UBL3: variants seen among roughly 807,000 people sequenced by gnomAD.
UBL3 encodes the protein ubiquitin like 3.
UBL3 carries 6 observed loss-of-function variants against 18.4 expected under a neutral mutation model. The ratio of observed to expected loss-of-function variants is 0.33; its 90% confidence interval spans 0.18 to 0.64. The LOEUF is 0.64. Among genes scored for constraint, UBL3 ranks in the 30% least tolerant of loss-of-function variants. The pLI is 0.76. For missense variants in UBL3, 109 were observed against 142.9 expected (o/e 0.76, Z 1.21); for synonymous variants, 49 against 46.6 (o/e 1.05, Z -0.21).
chr13:29,798,032 T>TA (rs1877661228), intron 1 of UBL3, among the ~76,000 whole-genome samples: 1 of 150,194 alleles, frequency 6.7e-6, no homozygotes, highest in Admixed American at 6.6e-5. Context: ...AAATATATAT[T>TA]TTTTTTTTGG....
chr13:29,781,059 C>T (rs190078522), intron 1 of UBL3, among the ~76,000 whole-genome samples: 7 of 152,120 alleles, frequency 4.6e-5, no homozygotes, highest in Admixed American at 1.3e-4. Context: ...CTTGTAGTCC[C>T]GGCTACTTGG....
intron 1 of UBL3, among the ~76,000 whole-genome samples, chr13:29,845,824 A>G (rs1001968959): frequency 4.6e-5 from 7 of 152,138 alleles, no homozygotes; most frequent in African/African-American, 1.7e-4. Context: ...CGTTTTATCA[A>G]CTAAAATGTT....
intron 1 of UBL3, among the ~76,000 whole-genome samples, chr13:29,804,430 G>T (rs1449885924): frequency 6.6e-6 from 1 of 151,976 alleles, no homozygotes; most frequent in Non-Finnish European, 1.5e-5. Flanking sequence ...AGAAATAAGA[G>T]CAAATTAAGC....
rs1015623298 is a variant in UBL3, at chr13:29,765,625, T to A, written c.*1630A>T. On this transcript the variant is annotated 3_prime_UTR_variant, in exon 5 of 5. Transcript: ENST00000380680. Reference sequence around the variant, plus strand: ...TACCACCAAAATGCACTATCATTTTTTTTTTATTTAGTTTACAGGAAGAAT... The same window carrying A: ...TACCACCAAAATGCACTATCATTTTATTTTTATTTAGTTTACAGGAAGAAT... 3 of 152,552 alleles carry A rather than the reference T, an allele frequency of 2.0e-5. No homozygotes were observed. Among genetic ancestry groups the A allele is most frequent in the Non-Finnish European group, 4.4e-5 (3 of 67,960 alleles). The allele number at this position is 152,552 out of a possible 1,614,324, so 9.4% of individuals were successfully genotyped here. A position where few individuals can be genotyped will look rare whatever the true frequency, so the allele number is the denominator to read the frequency against.
intron 1 of UBL3, among the ~76,000 whole-genome samples, chr13:29,804,008 T>C (rs1877839749): frequency 6.6e-6 from 1 of 151,834 alleles, no homozygotes; most frequent in Non-Finnish European, 1.5e-5. Context: ...CTTCAGAATA[T>C]ACATTCTTCT....
chr13:29,792,813 G>A (rs141805211), intron 1 of UBL3, among the ~76,000 whole-genome samples: 152 of 152,196 alleles, frequency 1.0e-3, no homozygotes, highest in African/African-American at 3.5e-3. Flanking sequence ...ATTCAGCAGG[G>A]CAGCTTTGCA....
chr13:29,777,242 C>T lies in UBL3; in HGVS notation c.49G>A (p.Val17Ile). 1.9e-6 allele frequency: 3 copies of T among 1,608,026 alleles called. No homozygotes were observed. The highest frequency in any genetic ancestry group is 2.5e-6 in the Non-Finnish European group (3 of 1,177,336). ...ADMINLRLIL[V>I]SGKTKEFLFS... ...AGGAACTCTTTTGTTTTTCCGCTTACCAAAATGAGGCGCAAATTTATCTGA... is the reference window on the plus strand; with the variant it reads ...AGGAACTCTTTTGTTTTTCCGCTTATCAAAATGAGGCGCAAATTTATCTGA... Residue 17 changes from valine (V) to isoleucine (I), a missense_variant, in exon 2 of 5, where the codon GTA becomes ATA. Physicochemically the swap from Val to Ile is conservative, Grantham distance 29. Coordinates refer to ENST00000380680, the MANE Select transcript of UBL3 (RefSeq NM_007106.4).
chr13:29,840,707 T>C (rs964305201), intron 1 of UBL3, among the ~76,000 whole-genome samples: 6 of 152,196 alleles, frequency 3.9e-5, no homozygotes, highest in Admixed American at 3.9e-4. Flanking sequence ...CACATATTTT[T>C]TGACAGAGCA....
chr13:29,829,308 A>C (rs1878707455), intron 1 of UBL3, among the ~76,000 whole-genome samples: 1 of 152,194 alleles, frequency 6.6e-6, no homozygotes, highest in Non-Finnish European at 1.5e-5. Flanking sequence ...AGAGGCAGGC[A>C]GGCCTCCCTG....
At chr13:29,825,684 C>G (rs1247547882) in intron 1 of UBL3, among the ~76,000 whole-genome samples, 4 of 151,482 alleles carry the variant, frequency 2.6e-5, no homozygotes, top group Non-Finnish European at 5.9e-5. Context: ...AATTGAATAC[C>G]CTTTCTTTCT....
In UBL3 at chr13:29,792,732, A is replaced by G. The variant is rs558050678; in HGVS notation, c.28-15469T>C. 5.3e-5 allele frequency among the ~76,000 whole-genome samples: 8 copies of G among 152,348 alleles called. No individual in the cohort carries two copies. The South Asian group carries it at 6.2e-4, about 12-fold the overall frequency. On this transcript the variant is annotated intron_variant, in intron 1 of 4. Transcript: ENST00000380680. Reference sequence around the variant, plus strand: ...ACTTGAATACAATGGTGTTTTATTAATAGTTATTAATTAAATTTTAAAATG... The same window carrying G: ...ACTTGAATACAATGGTGTTTTATTAGTAGTTATTAATTAAATTTTAAAATG...
chr13:29,819,720 G>A (rs7993370), intron 1 of UBL3, among the ~76,000 whole-genome samples: 4,647 of 152,072 alleles, frequency 0.031, 239 homozygotes, highest in African/African-American at 0.11. Flanking sequence ...GTAAAAGTTA[G>A]AAGAGAACCA....
In UBL3 at chr13:29,777,607, C is replaced by T. The variant is rs1351129663; in HGVS notation, c.28-344G>A. 2.4e-5 allele frequency: 6 copies of T among 253,100 alleles called. No individual in the cohort carries two copies. The East Asian group carries it at 5.9e-4, about 25-fold the overall frequency. 15.7% of individuals were successfully genotyped at this position (253,100 alleles called of 1,614,324 possible). A position where few individuals can be genotyped will look rare whatever the true frequency, so the allele number is the denominator to read the frequency against. On this transcript the variant is annotated intron_variant, in intron 1 of 4. Transcript: ENST00000380680. Reference sequence around the variant, plus strand: ...TTATTATAGAATATACATTTTTACCCAAAAATTAATAAAAATGTTGACACT... The same window carrying T: ...TTATTATAGAATATACATTTTTACCTAAAAATTAATAAAAATGTTGACACT...
chr13:29,844,694 T>C (rs1879187815), intron 1 of UBL3, among the ~76,000 whole-genome samples: 1 of 152,082 alleles, frequency 6.6e-6, no homozygotes, highest in South Asian at 2.1e-4. Context: ...TCTTCATTTT[T>C]CCCTCCCAGA....
chr13:29,833,665 GA>G (rs1429764104), intron 1 of UBL3, among the ~76,000 whole-genome samples: 2 of 152,150 alleles, frequency 1.3e-5, no homozygotes, highest in East Asian at 3.9e-4. Context: ...ATTTAAAACT[GA>G]ACACAGACAT....
At chr13:29,834,730 T>A (rs1279491975) in intron 1 of UBL3, among the ~76,000 whole-genome samples, 1 of 152,078 alleles carries the variant, frequency 6.6e-6, no homozygotes, top group Non-Finnish European at 1.5e-5. Flanking sequence ...AACCACTGGC[T>A]TTAAAATATA....
chr13:29,797,992 C>CA (rs1354994153), intron 1 of UBL3, among the ~76,000 whole-genome samples: 1 of 146,466 alleles, frequency 6.8e-6, no homozygotes, highest in Non-Finnish European at 1.5e-5. Context: ...CAGTTTTTCA[C>CA]AATGTAGTTT....
chr13:29,839,832 C>T (rs974109220), intron 1 of UBL3, among the ~76,000 whole-genome samples: 14 of 149,914 alleles, frequency 9.3e-5, no homozygotes, highest in Non-Finnish European at 1.0e-4. Flanking sequence ...GAGGCTGAGG[C>T]AGGAGAATGG....
At chr13:29,801,183 CCA>C (rs1375187872) in intron 1 of UBL3, among the ~76,000 whole-genome samples, 5 of 152,146 alleles carry the variant, frequency 3.3e-5, no homozygotes, top group Non-Finnish European at 7.4e-5. Flanking sequence ...CTCTGGCATG[CCA>C]CAGCCACCCT....
Sources: allele counts gnomAD v4.1 joint callset (sites outside exome capture counted in the v4.1 genomes callset), GRCh38; gene constraint gnomAD v4.1.1; transcripts MANE v1.5; gene names NCBI Gene and HGNC (gene_info 2026-07-23, HGNC 2026-07-21).